Variants in PLB1 observed in about 807,000 individuals in gnomAD.
PLB1 encodes the protein phospholipase B1, membrane-associated.
PLB1 carries 242 observed loss-of-function variants against 227.4 expected under a neutral mutation model. The ratio of observed to expected loss-of-function variants is 1.06; its 90% confidence interval spans 0.96 to 1.18. The LOEUF is 1.18. PLB1 is among the 50% of genes most tolerant of loss of function. The pLI is 0.00. For synonymous variants in PLB1, 757 were observed against 682.2 expected (o/e 1.11, Z -1.71); for missense variants, 1,858 against 1,816.3 (o/e 1.02, Z -0.42).
intron 22 of PLB1, among the ~76,000 whole-genome samples, chr2:28,578,889 G>C (rs1238529480): frequency 1.3e-5 from 2 of 152,066 alleles, no homozygotes; most frequent in African/African-American, 4.8e-5. Flanking sequence ...ACGCTCTTTT[G>C]GAAGTGTAGA....
At chr2:28,625,253 G>A in intron 50 of PLB1, 145 bp downstream of exon 50, 7 of 743,290 alleles carry the variant, frequency 9.4e-6, no homozygotes, top group Non-Finnish European at 1.5e-5. Context: ...TCCTTACCAA[G>A]GAGGCGCCTG....
intron 9 of PLB1, among the ~76,000 whole-genome samples, chr2:28,533,261 T>G (rs1671258300): frequency 1.3e-5 from 2 of 152,210 alleles, no homozygotes; most frequent in African/African-American, 4.8e-5. Context: ...AAATCCACCT[T>G]CCTGACTAGC....
chr2:28,522,517 C>T (rs141727336), intron 4 of PLB1, among the ~76,000 whole-genome samples: 149 of 152,204 alleles, frequency 9.8e-4, no homozygotes, highest in African/African-American at 3.4e-3. Flanking sequence ...CTGTGCACAC[C>T]GATATTTACA....
chr2:28,548,718 T>G, intron 14 of PLB1, 142 bp from the exon 15 acceptor site: 1 of 759,548 alleles, frequency 1.3e-6, no homozygotes, highest in Non-Finnish European at 2.3e-6. Context: ...GACTCAGTAG[T>G]TTGGGGATGG....
rs369609556 is a variant in PLB1 at position 28,572,504 on chromosome 2, C to A, written c.1325-693C>A. Among the ~76,000 whole-genome samples the A allele has an allele frequency of 4.0e-4, 61 of 152,266 alleles. 3 individuals carry two copies. Among genetic ancestry groups the A allele is most frequent in the African/African-American group, 1.4e-3 (58 of 41,542 alleles). ...CCAAAATGTGGAAGTAACTCCAAAGCCCCATCAACTGAAGAATGGATAAAT... is the reference window on the plus strand; with the variant it reads ...CCAAAATGTGGAAGTAACTCCAAAGACCCATCAACTGAAGAATGGATAAAT... On this transcript the variant is annotated intron_variant, in intron 20 of 57. Transcript: ENST00000327757.
chr2:28,626,364 C>A, intron 50 of PLB1, 64 bp from the exon 51 acceptor site: 1 of 1,418,670 alleles, frequency 7.0e-7, no homozygotes, highest in Non-Finnish European at 1.0e-6. Flanking sequence ...GCGGGCTGGC[C>A]CAGTAGCAAC....
intron 5 of PLB1, 107 bp from the exon 6 acceptor site, chr2:28,525,797 CA>C: frequency 7.3e-7 from 1 of 1,372,716 alleles, no homozygotes; most frequent in Non-Finnish European, 1.0e-6. Context: ...AGAACCAGAG[CA>C]AGGCTAGGCC....
At chr2:28,573,656 CCCTT>C (rs1678401775) in intron 21 of PLB1, among the ~76,000 whole-genome samples, 1 of 152,246 alleles carries the variant, frequency 6.6e-6, no homozygotes, top group African/African-American at 2.4e-5. Context: ...TGCTCTCCCT[CCCTT>C]CCTCAGCTGT....
In PLB1 at chr2:28,615,739, A is replaced by C. The variant is rs1686109301; in HGVS notation, c.3195+1643A>C. Among the ~76,000 whole-genome samples the C allele has an allele frequency of 2.0e-5, 3 of 152,222 alleles. No individual in the cohort carries two copies. The South Asian group carries it at 6.2e-4, about 32-fold the overall frequency. On this transcript the variant is annotated intron_variant, in intron 44 of 57. Coordinates refer to ENST00000327757, the MANE Select transcript of PLB1 (RefSeq NM_153021.5). ...GATGCCTATGTAGAGTGGGCACTGC[A>C]CTAAGTGCTCGGTAGACAGTGGTGA...
chr2:28,568,975 C>T (rs1677537780), intron 20 of PLB1, among the ~76,000 whole-genome samples: 2 of 152,212 alleles, frequency 1.3e-5, no homozygotes, highest in Non-Finnish European at 2.9e-5. Flanking sequence ...ATTCCACTTT[C>T]AAATCGCTCA....
At chr2:28,566,510 T>A (rs1676930323) in intron 19 of PLB1, 1 of 418,502 alleles carries the variant, frequency 2.4e-6, no homozygotes, top group Non-Finnish European at 4.3e-6. Flanking sequence ...TACTTCCCCT[T>A]TGAAAGCAGG....
chr2:28,603,993 G>A lies in PLB1; in HGVS notation c.2802G>A (p.Leu934=). ...TTTTGTGTAACTGCGTTCTGACCCT[G>A]CGGGAGAACTCCCAAGAGCTAGCCA... ...ASVLCNCVLT[L]RENSQELARL... is the part of the protein sequence containing the mutation. The change falls in exon 40 of 58, where the codon CTG becomes CTA. Residue 934 remains leucine (L), a synonymous_variant. Transcript: ENST00000327757. The A allele has an allele frequency of 6.2e-7, 1 of 1,614,222 alleles. No individual in the cohort carries two copies. Among genetic ancestry groups the A allele is most frequent in the Non-Finnish European group, 8.5e-7 (1 of 1,180,036 alleles).
At chr2:28,561,908 G>T (rs1481225690) in intron 17 of PLB1, among the ~76,000 whole-genome samples, 1 of 108,594 alleles carries the variant, frequency 9.2e-6, no homozygotes, top group Non-Finnish European at 1.9e-5. Flanking sequence ...AAAATAAAAT[G>T]AATGTATTGA....
In PLB1 at chr2:28,629,107, T is replaced by A; in HGVS notation, c.3740T>A (p.Phe1247Tyr). 6.2e-7 allele frequency: 1 copy of A among 1,613,762 alleles called. No individual in the cohort carries two copies. The highest frequency in any genetic ancestry group is 1.3e-5 in the African/African-American group (1 of 75,032). Residue 1247 changes from phenylalanine to tyrosine, a missense_variant, in exon 53 of 58, where the codon TTC (phenylalanine) becomes TAC (tyrosine). By Grantham distance (22) the Phe-to-Tyr change is conservative (BLOSUM62 3). Transcript: ENST00000327757. ...CACTCCCTGCAGCTCCCAAGGGCTT[T>A]CGTCAACGTGGTGGAGGTCATGGAG... ...DILSEELPRA[F>Y]VNVVEVMELA...
chr2:28,569,934 C>T (rs2148250552), intron 20 of PLB1, among the ~76,000 whole-genome samples: 1 of 146,286 alleles, frequency 6.8e-6, no homozygotes, highest in South Asian at 2.2e-4. Context: ...CCATTGCACT[C>T]CAGCCTGGGC....
chr2:28,589,179 G>A (rs1448601459), intron 26 of PLB1, among the ~76,000 whole-genome samples: 2 of 152,090 alleles, frequency 1.3e-5, no homozygotes, highest in Admixed American at 1.3e-4. Flanking sequence ...AAAAAAAAAG[G>A]TCAAGCTGAT....
chr2:28,496,427 T>C (rs749060773), intron 1 of PLB1, among the ~76,000 whole-genome samples: 1 of 152,190 alleles, frequency 6.6e-6, no homozygotes, highest in Non-Finnish European at 1.5e-5. Context: ...CCGGTAGCAG[T>C]ACCATGGTAC....
chr2:28,503,241 C>T (rs999884560), intron 1 of PLB1, among the ~76,000 whole-genome samples: 11 of 151,966 alleles, frequency 7.2e-5, no homozygotes, highest in African/African-American at 2.7e-4. Flanking sequence ...CTGCCTCGAC[C>T]TCTGGGCCTC....
rs570005546 is a variant in PLB1 at position 28,502,194 on chromosome 2, G to A, written c.55+6025G>A. On this transcript the variant is annotated intron_variant, in intron 1 of 57. Transcript: ENST00000327757. ...CTTAGAATTTTTGCAAATGTCATAG[G>A]TAAGAAACATTTTAGTTTATCTTAT... 9.9e-5 allele frequency among the ~76,000 whole-genome samples: 15 copies of A among 152,250 alleles called. No homozygotes were observed. The South Asian group carries it at 2.7e-3, about 27-fold the overall frequency.
Sources: gnomAD v4.1 joint callset for allele counts (sites outside exome capture counted in the v4.1 genomes callset) on GRCh38, gnomAD v4.1.1 for gene constraint, MANE v1.5 for transcripts, NCBI Gene and HGNC (gene_info 2026-07-23, HGNC 2026-07-21) for gene names.